The following MYO10 variants were observed in gnomAD, a reference collection of about 807,000 sequenced individuals.
The protein encoded by MYO10 is myosin X.
In MYO10, 133 loss-of-function variants were observed where a neutral mutation model predicts 257.3. The observed-to-expected ratio is 0.52, with a 90% CI of 0.45 to 0.60. The LOEUF (loss-of-function observed/expected upper bound fraction) is 0.60. MYO10 is among the 20% of genes least tolerant of loss of function. The pLI, the probability that MYO10 is intolerant of heterozygous loss-of-function variation, is 0.00. For missense variants in MYO10, 2,399 were observed against 2,635.7 expected (o/e 0.91, Z 1.97); for synonymous variants, 1,104 against 1,028.6 (o/e 1.07, Z -1.40).
chr5:16,689,380 A>G (rs1737387015), intron 28 of MYO10, among the ~76,000 whole-genome samples: 1 of 152,188 alleles, frequency 6.6e-6, no homozygotes, highest in Admixed American at 6.5e-5. Context: ...TAAGATCTTT[A>G]AAACCCCCCA....
rs1560973297 is a variant in MYO10 at position 16,766,081 on chromosome 5, T to TG, written c.1177dup (p.Gln393ProfsTer19). On this transcript the variant is annotated frameshift_variant and splice_region_variant, in exon 11 of 41. Transcript: ENST00000513610. LOFTEE classifies it high-confidence loss of function. ...GATCAGATGGCAAAGCGTGTGTACC[T>TG]GTTGAACATTGAGAGGCGTGAGGAT... 2 of 1,599,922 alleles carry TG rather than the reference T, an allele frequency of 1.3e-6. No individual in the cohort carries two copies. The highest frequency in any genetic ancestry group is 1.7e-6 in the Non-Finnish European group (2 of 1,167,190).
intron 19 of MYO10, among the ~76,000 whole-genome samples, chr5:16,736,300 C>T (rs890593563): frequency 1.3e-5 from 2 of 152,292 alleles, no homozygotes; most frequent in African/African-American, 4.8e-5. Context: ...ACTCTAAGGA[C>T]GTTGGCAGAG....
rs568439152 is a variant in MYO10, at chr5:16,667,744, T to C, written c.6075+533A>G. 5.8e-4 allele frequency among the ~76,000 whole-genome samples: 88 copies of C among 152,320 alleles called. No individual in the cohort carries two copies. The Middle Eastern group carries it at 0.01, about 18-fold the overall frequency. On this transcript the variant is annotated intron_variant, in intron 40 of 40. Coordinates refer to ENST00000513610, the MANE Select transcript of MYO10 (RefSeq NM_012334.3). ...ACGTTGACTTGCTAGCTGTTCCCTT[T>C]GTGGAAGCCTCAATAAGCTTCTTGT...
At chr5:16,675,278 A>G (rs1736673207) in intron 34 of MYO10, 128 bp from the exon 35 acceptor site, 1 of 869,054 alleles carries the variant, frequency 1.2e-6, no homozygotes, top group Non-Finnish European at 1.8e-6. Context: ...CACACTCCCT[A>G]TACATCTCAA....
intron 2 of MYO10, among the ~76,000 whole-genome samples, chr5:16,828,258 G>A (rs563176389): frequency 2.6e-5 from 4 of 152,222 alleles, no homozygotes; most frequent in African/African-American, 9.6e-5. Flanking sequence ...AATTGACAAA[G>A]AGAACGTGGT....
At position 16,703,114 on chromosome 5, in the gene MYO10, T is replaced by C; in HGVS notation, c.2321A>G (p.Lys774Arg). Reference sequence around the variant, plus strand: ...CCTCAGAAGGAATGCTCTGTAATTCTTCTGTATTATCACCACACAATAAAG... The same window carrying C: ...CCTCAGAAGGAATGCTCTGTAATTCCTCTGTATTATCACCACACAATAAAG... ...KVLYCVVIIQ[K>R]NYRAFLLRRR... is the part of the protein sequence containing the mutation. The change falls in exon 23 of 41, where the codon AAG (lysine) becomes AGG (arginine). Residue 774 changes from lysine to arginine, a missense_variant. Transcript: ENST00000513610. The C allele has an allele frequency of 6.3e-6, 10 of 1,594,694 alleles. No individual in the cohort carries two copies. Among genetic ancestry groups the C allele is most frequent in the Non-Finnish European group, 8.5e-6 (10 of 1,169,598 alleles).
chr5:16,728,745 A>G (rs1335585060), intron 19 of MYO10, among the ~76,000 whole-genome samples: 6 of 152,112 alleles, frequency 3.9e-5, no homozygotes, highest in African/African-American at 1.4e-4. Flanking sequence ...GTGCACTAGG[A>G]CCTGTGTCTA....
At chr5:16,735,669 G>A (rs777565365) in intron 19 of MYO10, among the ~76,000 whole-genome samples, 2 of 150,078 alleles carry the variant, frequency 1.3e-5, no homozygotes, top group Non-Finnish European at 3.0e-5. Context: ...CTCTAGCCTA[G>A]GCGACAGAGC....
intron 4 of MYO10, among the ~76,000 whole-genome samples, chr5:16,790,885 A>G (rs1326961946): frequency 7.5e-6 from 1 of 132,688 alleles, no homozygotes; most frequent in Non-Finnish European, 1.6e-5. Context: ...AATTCAAGTA[A>G]GTTTTAAATT....
intron 1 of MYO10, chr5:16,916,134 C>T (rs1311039875): frequency 6.6e-6 from 3 of 456,000 alleles, no homozygotes; most frequent in East Asian, 7.0e-5. Context: ...ACCGACCCAT[C>T]AAGCCCAGAT....
intron 3 of MYO10, among the ~76,000 whole-genome samples, chr5:16,809,025 A>T (rs1440519467): frequency 6.6e-6 from 1 of 152,208 alleles, no homozygotes; most frequent in Non-Finnish European, 1.5e-5. Context: ...AATCACAAAA[A>T]AACAAGTTTC....
At chr5:16,668,509 G>A in intron 39 of MYO10, 41 bp from the exon 40 acceptor site, 1 of 1,517,562 alleles carries the variant, frequency 6.6e-7, no homozygotes, top group Admixed American at 2.2e-5. Context: ...GTCATGAAGT[G>A]GTTGGCAACA....
intron 19 of MYO10, among the ~76,000 whole-genome samples, chr5:16,735,094 T>C (rs1739736171): frequency 6.6e-6 from 1 of 152,166 alleles, no homozygotes; most frequent in African/African-American, 2.4e-5. Context: ...CCATGATGTG[T>C]GGCCTCCCAG....
chr5:16,932,575 A>C (rs188444563), intron 1 of MYO10, among the ~76,000 whole-genome samples: 37 of 152,274 alleles, frequency 2.4e-4, no homozygotes, highest in Non-Finnish European at 4.9e-4. Flanking sequence ...GCTTCCCCAA[A>C]GCATACACAC....
Position 16,671,552 on chromosome 5 carries a change from G to A in MYO10, c.5310-10C>T, listed in dbSNP as rs374923250. On this transcript the variant is annotated splice_polypyrimidine_tract_variant and intron_variant, in intron 37 of 40. Transcript: ENST00000513610. ...GGATGTGGCAGCCAGCCTACAGAGA[G>A]GAGTCAAGAGAGGCTCAGAATATGA... is the stretch of plus-strand genomic sequence containing the variant. 7 of 1,613,804 alleles carry A rather than the reference G, an allele frequency of 4.3e-6. No individual in the cohort carries two copies. The highest frequency in any genetic ancestry group is 3.3e-5 in the Admixed American group (2 of 59,992).
chr5:16,851,907 T>C (rs1359489154), intron 2 of MYO10, among the ~76,000 whole-genome samples: 3 of 151,496 alleles, frequency 2.0e-5, no homozygotes, highest in Non-Finnish European at 4.4e-5. Context: ...AAAAATTAGC[T>C]GGGCATGGTG....
intron 2 of MYO10, among the ~76,000 whole-genome samples, chr5:16,875,465 C>T (rs1014173195): frequency 6.6e-5 from 10 of 152,076 alleles, no homozygotes; most frequent in African/African-American, 2.4e-4. Context: ...ACTATACTAC[C>T]CGAGACTCTG....
intron 1 of MYO10, among the ~76,000 whole-genome samples, chr5:16,930,587 C>A (rs1341363124): frequency 1.3e-5 from 2 of 152,320 alleles, no homozygotes; most frequent in African/African-American, 4.8e-5. Flanking sequence ...ACTGACATTC[C>A]ATTCACCAAG....
chr5:16,706,102 G>C (rs1375272592), intron 21 of MYO10, among the ~76,000 whole-genome samples: 1 of 152,136 alleles, frequency 6.6e-6, no homozygotes, highest in Non-Finnish European at 1.5e-5. Flanking sequence ...AGAATCGCTT[G>C]AACCTGGGAG....
Sources: allele counts gnomAD v4.1 joint callset (sites outside exome capture counted in the v4.1 genomes callset), GRCh38; gene constraint gnomAD v4.1.1; transcripts MANE v1.5; gene names NCBI Gene and HGNC (gene_info 2026-07-23, HGNC 2026-07-21).